TF: variants seen among roughly 807,000 people sequenced by gnomAD.
TF encodes transferrin, also known as serotransferrin.
Under a neutral mutation model 82.4 loss-of-function variants are expected in TF, and 55 were observed. The observed-to-expected ratio is 0.67, with a 90% confidence interval of 0.54 to 0.84. The LOEUF (loss-of-function observed/expected upper bound fraction) is 0.84, where lower values mean the gene tolerates loss of function less well. Among genes scored for constraint, TF ranks in the 40% least tolerant of loss-of-function variants. The probability of loss-of-function intolerance (pLI) is 0.00; values close to 1 mark genes in which losing one functional copy is unlikely to be tolerated. For missense variants in TF, 737 were observed against 868.4 expected, an observed-to-expected ratio of 0.85 and a Z score of 1.90; for synonymous variants, 332 against 332.6, an observed-to-expected ratio of 1.00 and a Z score of 0.02.
chr3:133,734,153 G>T, the TF span, among the ~76,000 whole-genome samples: 1 of 152,184 alleles, frequency 6.6e-6, no homozygotes, highest in Admixed American at 6.5e-5. Flanking sequence ...TTGTGTAAGG[G>T]TGTGGGACAG....
chr3:133,775,453 G>A lies in TF; in HGVS notation c.1708G>A (p.Ala570Thr). Residue 570 changes from alanine (A) to threonine (T), a missense_variant, in exon 15 of 17, where the codon GCT (alanine) becomes ACT (threonine). Ala to Thr is a moderately conservative substitution (Grantham distance 58, BLOSUM62 0). Coordinates refer to ENST00000402696, the MANE Select transcript of TF (RefSeq NM_001063.4). ...CCTAGGAAAAAACCCTGATCCATGG[G>A]CTAAGAATCTGAATGAAAAAGACTA... is the stretch of plus-strand genomic sequence containing the variant. ...NTGGKNPDPW[A>T]KNLNEKDYEL... 6.2e-7 allele frequency: 1 copy of A among 1,614,186 alleles called. No homozygotes were observed. Among genetic ancestry groups the A allele is most frequent in the Non-Finnish European group, 8.5e-7 (1 of 1,180,030 alleles).
Position 133,791,843 on chromosome 3 carries a change from G to A in TF, c.*13223G>A, listed in dbSNP as rs1179909355. 2 of 152,124 alleles carry A rather than the reference G, an allele frequency of 1.3e-5. No individual in the cohort carries two copies. The highest frequency in any genetic ancestry group is 4.8e-5 in the African/African-American group (2 of 41,424). The allele number at this position is 152,124 out of a possible 1,614,324, so 9.4% of individuals were successfully genotyped here. The stretch of plus-strand genomic sequence containing the variant: ...CTGTCTGTGTATTTATATGTGTTGT[G>A]TGTGTACTATAAAAGAGCATTAATT... On this transcript the variant is annotated 3_prime_UTR_variant, in exon 17 of 17. Coordinates refer to ENST00000402696, the MANE Select transcript of TF (RefSeq NM_001063.4).
In TF at chr3:133,788,638, TC is replaced by T. The variant is rs33998685; in HGVS notation, c.*10021del. ...TTTCCACTCCATACAGGGGAATCTC[TC>T]CCTCTGTCTCTTTTTCCTTTCCAAC... On this transcript the variant is annotated 3_prime_UTR_variant, in exon 17 of 17. Coordinates refer to ENST00000402696, the MANE Select transcript of TF (RefSeq NM_001063.4). 0.27 allele frequency: 40,488 copies of T among 152,108 alleles called. 6,407 individuals carry two copies. The highest frequency in any genetic ancestry group is 0.46 in the East Asian group (2,370 of 5,158). The allele number at this position is 152,108 out of a possible 1,614,324, so 9.4% of individuals were successfully genotyped here.
At chr3:133,683,581 A>C in the TF span, among the ~76,000 whole-genome samples, 1 of 152,214 alleles carries the variant, frequency 6.6e-6, no homozygotes, top group African/African-American at 2.4e-5. Flanking sequence ...ACTTTAAACC[A>C]ACAAAGATCA....
intron 6 of TF, 40 bp from the exon 7 acceptor site, chr3:133,756,791 G>A (rs770708221): frequency 6.2e-7 from 1 of 1,612,652 alleles, no homozygotes; most frequent in Non-Finnish European, 8.5e-7. Flanking sequence ...ACAGCCCATG[G>A]CTCTCCTGTG....
At chr3:133,744,836 G>A (rs987678092), upstream of TF, among the ~76,000 whole-genome samples, 2 of 152,154 alleles carry the variant, frequency 1.3e-5, no homozygotes, top group African/African-American at 4.8e-5. Context: ...TATTGTTATT[G>A]CAAAAGATTA....
intron 9 of TF, chr3:133,760,955 G>A (rs2107920925): frequency 6.5e-6 from 1 of 153,586 alleles, no homozygotes; most frequent in South Asian, 2.1e-4. Context: ...AAAGTTGAAA[G>A]ACATAGTTTA....
intron 16 of TF, 106 bp from the exon 17 acceptor site, chr3:133,778,480 C>A: frequency 8.0e-7 from 1 of 1,243,710 alleles, no homozygotes; most frequent in Non-Finnish European, 1.2e-6. Context: ...GAGGAGGCAG[C>A]AAGTCTGCAC....
At chr3:133,701,263 G>C in the TF span, 2 of 152,204 alleles carry the variant, frequency 1.3e-5, no homozygotes, top group African/African-American at 4.8e-5. Context: ...AAAACTTGAA[G>C]ACATGATTGC....
chr3:133,696,814 G>GA, the TF span, among the ~76,000 whole-genome samples: 170 of 147,164 alleles, frequency 1.2e-3, 3 homozygotes, highest in East Asian at 0.024. Context: ...TTACATTTAT[G>GA]AAAAAAACCC....
At chr3:133,666,706 A>C in the TF span, among the ~76,000 whole-genome samples, 1,087 of 152,074 alleles carry the variant, frequency 7.1e-3, 18 homozygotes, top group African/African-American at 0.023. Flanking sequence ...AGCTCAGGGA[A>C]TTGGCCTGTT....
At chr3:133,727,413 C>T in the TF span, among the ~76,000 whole-genome samples, 1 of 141,282 alleles carries the variant, frequency 7.1e-6, no homozygotes, top group Admixed American at 7.3e-5. Context: ...TATGTAATGG[C>T]CTTCTTTGTC....
rs374766049 is a variant in TF, at chr3:133,756,951, T to C, written c.812T>C (p.Val271Ala). ...HLAQVPSHTV[V>A]ARSMGGKEDL... The stretch of plus-strand genomic sequence containing the variant: ...GCCCAGGTCCCTTCTCATACCGTCG[T>C]GGCCCGAAGTATGGGCGGCAAGGAG... Residue 271 changes from valine (V) to alanine (A), a missense_variant, in exon 7 of 17, where the codon GTG (valine) becomes GCG (alanine). By Grantham distance (64) the Val-to-Ala change is moderately conservative. Transcript: ENST00000402696. 1.2e-6 allele frequency: 2 copies of C among 1,614,170 alleles called. No homozygotes were observed. Among genetic ancestry groups the C allele is most frequent in the Non-Finnish European group, 1.7e-6 (2 of 1,180,018 alleles).
chr3:133,686,374 T>C, the TF span, among the ~76,000 whole-genome samples: 2 of 152,232 alleles, frequency 1.3e-5, no homozygotes, highest in South Asian at 4.2e-4. Context: ...AAAGAACTTC[T>C]GCACAGCAAA....
chr3:133,712,909 G>A, the TF span: 1 of 152,656 alleles, frequency 6.6e-6, no homozygotes, highest in East Asian at 1.9e-4. Context: ...TTTGGAAGGA[G>A]CCAGAATCTA....
chr3:133,743,447 C>T (rs1933431186), upstream of TF, among the ~76,000 whole-genome samples: 2 of 151,850 alleles, frequency 1.3e-5, no homozygotes, highest in South Asian at 4.2e-4. Flanking sequence ...TCGGTGTGAC[C>T]CCAGATGAGC....
Position 133,777,082 on chromosome 3 carries a change from G to A in TF, c.1906G>A (p.Gly636Ser). The A allele has an allele frequency of 6.2e-7, 1 of 1,614,116 alleles. No homozygotes were observed. Among genetic ancestry groups the A allele is most frequent in the Non-Finnish European group, 8.5e-7 (1 of 1,180,016 alleles). ...TGGAAGCAACGTAACTGACTGCTCG[G>A]GCAACTTTTGTTTGTTCCGGTCGGA... ...LFGSNVTDCS[G>S]NFCLFRSETK... The change falls in exon 16 of 17, where the codon GGC (glycine) becomes AGC (serine). Residue 636 changes from glycine (G) to serine (S), a missense_variant. Transcript: ENST00000402696.
chr3:133,678,851 T>TTTTG, the TF span, among the ~76,000 whole-genome samples: 16 of 149,440 alleles, frequency 1.1e-4, no homozygotes, highest in South Asian at 6.5e-4. Flanking sequence ...GCCCAGCTAT[T>TTTTG]TTTTGTTTTG....
At position 133,794,259 on chromosome 3, in the gene TF, T is replaced by G. The variant is rs1934912793; in HGVS notation, c.*15639T>G. 6.6e-6 allele frequency: 1 copy of G among 152,200 alleles called. No homozygotes were observed. Among genetic ancestry groups the G allele is most frequent in the African/African-American group, 2.4e-5 (1 of 41,458 alleles). The allele number at this position is 152,200 out of a possible 1,614,324, so 9.4% of individuals were successfully genotyped here. A position where few individuals can be genotyped will look rare whatever the true frequency, so the allele number is the denominator to read the frequency against. On this transcript the variant is annotated 3_prime_UTR_variant, in exon 17 of 17. Transcript: ENST00000402696. ...AAAAGATAAAATGATCCAAATTGAA[T>G]ATATTGATGTGGTGACTTATAAATT...
Sources: gnomAD v4.1 joint callset for allele counts (sites outside exome capture counted in the v4.1 genomes callset) on GRCh38, gnomAD v4.1.1 for gene constraint, MANE v1.5 for transcripts, NCBI Gene and HGNC (gene_info 2026-07-23, HGNC 2026-07-21) for gene names.